SORBS2: variants seen among roughly 807,000 people sequenced by gnomAD.
SORBS2 encodes the protein sorbin and SH3 domain containing 2.
A neutral mutation model predicts 97.7 loss-of-function variants in SORBS2; 46 were observed. The ratio of observed to expected loss-of-function variants is 0.47; its 90% CI spans 0.37 to 0.60. SORBS2 has a LOEUF of 0.60. SORBS2 is among the 20% of genes least tolerant of loss of function. The probability of loss-of-function intolerance (pLI) is 0.00; values close to 1 mark genes in which losing one functional copy is unlikely to be tolerated. For missense variants in SORBS2, 1,316 were observed against 1,282.3 expected, an observed-to-expected ratio of 1.03 and a Z score of -0.40; for synonymous variants, 476 against 473.4, an observed-to-expected ratio of 1.01 and a Z score of -0.07.
intron 4 of SORBS2, among the ~76,000 whole-genome samples, chr4:185,663,274 C>G (rs749862481): frequency 2.5e-4 from 38 of 152,140 alleles, no homozygotes; most frequent in Non-Finnish European, 3.2e-4. Flanking sequence ...TATTTTAAAA[C>G]AAAACAAACT....
rs199854097 is a variant in SORBS2, at chr4:185,713,068, AG to A, written c.-197-34247del. ...AGACATCAGGCATTCTCCTATTCAA[AG>A]CCCTCCAGTCACCTCCCATCTCCCC... is the stretch of plus-strand genomic sequence containing the variant. On this transcript the variant is annotated intron_variant, in intron 2 of 20. Transcript: ENST00000284776. Among the ~76,000 whole-genome samples, 992 of 152,120 alleles carry A rather than the reference AG, an allele frequency of 6.5e-3. 13 individuals carry two copies. Among genetic ancestry groups the A allele is most frequent in the African/African-American group, 0.022 (918 of 41,484 alleles).
intron 1 of SORBS2, among the ~76,000 whole-genome samples, chr4:185,916,763 C>T (rs764974872): frequency 1.3e-5 from 2 of 152,268 alleles, no homozygotes; most frequent in African/African-American, 2.4e-5. Context: ...TGCTACAGTG[C>T]ACAGGCAGCC....
chr4:185,821,873 C>T (rs530166322), intron 1 of SORBS2, among the ~76,000 whole-genome samples: 167 of 152,274 alleles, frequency 1.1e-3, no homozygotes, highest in Non-Finnish European at 1.8e-3. Context: ...GTCATTATTA[C>T]GAAACATGTC....
At chr4:185,888,934 G>A (rs530494470) in intron 1 of SORBS2, among the ~76,000 whole-genome samples, 6 of 152,342 alleles carry the variant, frequency 3.9e-5, no homozygotes, top group African/African-American at 1.2e-4. Flanking sequence ...CGGCCCACCT[G>A]TCGCCTTCCA....
At chr4:185,763,373 A>C (rs759821394) in intron 2 of SORBS2, among the ~76,000 whole-genome samples, 1 of 152,136 alleles carries the variant, frequency 6.6e-6, no homozygotes, top group Non-Finnish European at 1.5e-5. Flanking sequence ...ACCACCTGCT[A>C]TACTGGCCCT....
At chr4:185,798,690 A>T (rs56196822) in intron 1 of SORBS2, among the ~76,000 whole-genome samples, 35,988 of 152,152 alleles carry the variant, frequency 0.24, 4,447 homozygotes, top group Middle Eastern at 0.3. Context: ...ATGCTTAATT[A>T]AGCTGTATGC....
chr4:185,685,140 A>G (rs2097930637), intron 2 of SORBS2, among the ~76,000 whole-genome samples: 1 of 152,264 alleles, frequency 6.6e-6, no homozygotes, highest in African/African-American at 2.4e-5. Flanking sequence ...ACTCAGGCAC[A>G]GAACTCAACT....
chr4:185,601,949 G>T (rs2096271712), intron 12 of SORBS2, among the ~76,000 whole-genome samples: 2 of 152,184 alleles, frequency 1.3e-5, no homozygotes, highest in African/African-American at 2.4e-5. Flanking sequence ...ACCACATGCG[G>T]CAAGTCTCTT....
intron 1 of SORBS2, among the ~76,000 whole-genome samples, chr4:185,927,921 G>T (rs764157066): frequency 7.2e-5 from 11 of 152,068 alleles, no homozygotes; most frequent in Non-Finnish European, 1.3e-4. Context: ...TATTTGATAT[G>T]TCACCTTGTT....
chr4:185,602,210 A>T (rs2096279071), intron 12 of SORBS2, among the ~76,000 whole-genome samples: 1 of 152,086 alleles, frequency 6.6e-6, no homozygotes. Context: ...GGGTTTCACC[A>T]TCTTGGCCAG....
chr4:185,843,227 CA>C (rs2099212676), intron 1 of SORBS2, among the ~76,000 whole-genome samples: 1 of 151,976 alleles, frequency 6.6e-6, no homozygotes, highest in South Asian at 2.1e-4. Context: ...TGTGGGGTCA[CA>C]AAAGTCTAGG....
intron 1 of SORBS2, among the ~76,000 whole-genome samples, chr4:185,930,891 A>G (rs1482509930): frequency 6.6e-6 from 1 of 152,222 alleles, no homozygotes; most frequent in Non-Finnish European, 1.5e-5. Context: ...AATGCTACAT[A>G]TTTTTATAAA....
At chr4:185,650,044 A>G (rs995516256) in intron 2 of SORBS2, among the ~76,000 whole-genome samples, 1 of 152,194 alleles carries the variant, frequency 6.6e-6, no homozygotes, top group Non-Finnish European at 1.5e-5. Context: ...GTTTCCAAAT[A>G]TCTTCTAATA....
chr4:185,737,307 G>A (rs1357504821), intron 2 of SORBS2, among the ~76,000 whole-genome samples: 2 of 152,164 alleles, frequency 1.3e-5, no homozygotes, highest in Non-Finnish European at 2.9e-5. Context: ...AGAAAGCAAA[G>A]TGGCTGGGGA....
In SORBS2 at chr4:185,940,585, A is replaced by C. The variant is rs183006256; in HGVS notation, c.-338+15611T>G. Reference sequence around the variant, plus strand: ...CCTCTAATAGCTTCTCAGCATATAAAGAATAAAATCCAAACTGATTGCCAG... The same window carrying C: ...CCTCTAATAGCTTCTCAGCATATAACGAATAAAATCCAAACTGATTGCCAG... On this transcript the variant is annotated intron_variant, in intron 1 of 20. Transcript: ENST00000284776. 1.8e-4 allele frequency among the ~76,000 whole-genome samples: 28 copies of C among 152,302 alleles called. No homozygotes were observed. The East Asian group carries it at 4.3e-3, about 23-fold the overall frequency.
intron 1 of SORBS2, among the ~76,000 whole-genome samples, chr4:185,828,026 A>C (rs2099202916): frequency 9.2e-6 from 1 of 108,572 alleles, no homozygotes; most frequent in South Asian, 2.9e-4. Context: ...CATCATCATC[A>C]TCTCATCACC....
At chr4:185,885,050 A>G (rs1025291600) in intron 1 of SORBS2, among the ~76,000 whole-genome samples, 1 of 152,176 alleles carries the variant, frequency 6.6e-6, no homozygotes, top group African/African-American at 2.4e-5. Flanking sequence ...GAGAGCAACA[A>G]GAAGAAAAAA....
At chr4:185,827,036 CCAT>C (rs1304751771) in intron 1 of SORBS2, among the ~76,000 whole-genome samples, 3 of 88,140 alleles carry the variant, frequency 3.4e-5, no homozygotes, top group East Asian at 3.7e-4. Context: ...ACCATCACCA[CCAT>C]CATCACCACC....
intron 1 of SORBS2, among the ~76,000 whole-genome samples, chr4:185,948,667 G>A (rs766989203): frequency 1.1e-4 from 17 of 151,694 alleles, no homozygotes; most frequent in East Asian, 3.9e-4. Flanking sequence ...ACAGGTGTCC[G>A]CCACCACTCC....
Sources: allele counts gnomAD v4.1 joint callset (sites outside exome capture counted in the v4.1 genomes callset), GRCh38; gene constraint gnomAD v4.1.1; transcripts MANE v1.5; gene names NCBI Gene and HGNC (gene_info 2026-07-23, HGNC 2026-07-21).